The following KMT2A variants were observed in gnomAD, a reference collection of about 807,000 sequenced individuals.
KMT2A encodes histone-lysine N-methyltransferase 2A.
Under a neutral mutation model 345.3 loss-of-function variants are expected in KMT2A, and 16 were observed. The ratio of observed to expected loss-of-function variants is 0.05; its 90% CI spans 0.03 to 0.07. KMT2A has a LOEUF of 0.07. Among genes scored for constraint, KMT2A ranks in the 10% least tolerant of loss-of-function variants. The probability of loss-of-function intolerance (pLI) is 1.00; values close to 1 mark genes in which losing one functional copy is unlikely to be tolerated. For missense variants in KMT2A, 3,272 were observed against 4,841.6 expected (o/e 0.68, Z 9.62); for synonymous variants, 1,599 against 1,778.6 (o/e 0.90, Z 2.54).
chr11:118,485,102 G>T, intron 10 of KMT2A, 127 bp downstream of exon 10: 1 of 674,658 alleles, frequency 1.5e-6, no homozygotes, highest in South Asian at 1.7e-5. Context: ...CTAAAGAAAT[G>T]TTTTGAAGTA....
Position 118,436,980 on chromosome 11 carries a change from G to T in KMT2A, c.432+36G>T. 1.4e-6 allele frequency: 2 copies of T among 1,397,340 alleles called. No individual in the cohort carries two copies. Among genetic ancestry groups the T allele is most frequent in the South Asian group, 3.1e-5 (2 of 64,358 alleles). 86.6% of individuals were successfully genotyped at this position (1,397,340 alleles called of 1,614,324 possible). On this transcript the variant is annotated intron_variant, in intron 1 of 35. Coordinates refer to ENST00000534358, the MANE Select transcript of KMT2A (RefSeq NM_001197104.2). The surrounding 1 kb of genome is among the most constrained non-coding windows in gnomAD (Gnocchi z 6.9). ...GAGGAACCCCCAGGTCCGGGGTCTCGACCCTCTGCGGAGCCCCCTCCCCTC... is the reference window on the plus strand; with the variant it reads ...GAGGAACCCCCAGGTCCGGGGTCTCTACCCTCTGCGGAGCCCCCTCCCCTC...
intron 1 of KMT2A, among the ~76,000 whole-genome samples, chr11:118,451,167 T>G (rs143766206): frequency 6.6e-6 from 1 of 151,938 alleles, no homozygotes; most frequent in Non-Finnish European, 1.5e-5. Context: ...GGCTCTACCA[T>G]TGGAGACGTC....
At position 118,522,211 on chromosome 11, in the gene KMT2A, G is replaced by A. The variant is rs781944987; in HGVS notation, c.*39G>A. 25 of 1,602,452 alleles carry A rather than the reference G, an allele frequency of 1.6e-5. No individual in the cohort carries two copies. Among genetic ancestry groups the A allele is most frequent in the South Asian group, 1.4e-4 (13 of 90,014 alleles). Reference sequence around the variant, plus strand: ...CCCCAGTGTTGGAGTGCAAGGAGGCGGGGCCATCCAAAGCAACGCTGAAGG... The same window carrying A: ...CCCCAGTGTTGGAGTGCAAGGAGGCAGGGCCATCCAAAGCAACGCTGAAGG... On this transcript the variant is annotated 3_prime_UTR_variant, in exon 36 of 36. Coordinates refer to ENST00000534358, the MANE Select transcript of KMT2A (RefSeq NM_001197104.2). The surrounding 1 kb of genome is among the most constrained non-coding windows in gnomAD (Gnocchi z 5.4).
rs782718488 is a variant in KMT2A, at chr11:118,490,224, T to C, written c.4671T>C (p.His1557=). 5.1e-6 allele frequency: 8 copies of C among 1,574,390 alleles called. No homozygotes were observed. Among genetic ancestry groups the C allele is most frequent in the Admixed American group, 4.2e-5 (2 of 47,184 alleles). The change falls in exon 13 of 36, where the codon CAT becomes CAC. Residue 1557 remains histidine (H), a synonymous_variant. Transcript: ENST00000534358. The surrounding 1 kb of genome is among the most constrained non-coding windows in gnomAD (Gnocchi z 4.2). ...GGTCTCATGATTTCTCACTGTGTCA[T>C]GATTGCGCCAAGCTCTTTGCTAAAG... The part of the protein sequence containing the change: ...AQWSHDFSLC[H]DCAKLFAKGN...
At chr11:118,456,724 G>A (rs754861168) in intron 1 of KMT2A, among the ~76,000 whole-genome samples, 17 of 152,140 alleles carry the variant, frequency 1.1e-4, no homozygotes, top group Non-Finnish European at 2.1e-4. Context: ...CTTTCCCTGG[G>A]TGACTGAATT....
rs1244598071 is a variant in KMT2A at position 118,436,681 on chromosome 11, C to T, written c.169C>T (p.Pro57Ser). ...GGGGPGAPPS[P>S]PAVAAAAAAA... ...TGGCGGCCCCGGGGCGCCCCCCTCC[C>T]CCCCGGCTGTGGCGGCCGCGGCGGC... The change falls in exon 1 of 36, where the codon CCC (proline) becomes TCC (serine). Residue 57 changes from proline to serine, a missense_variant. By Grantham distance (74) the Pro-to-Ser change is moderately conservative. Transcript: ENST00000534358. The surrounding 1 kb of genome is among the most constrained non-coding windows in gnomAD (Gnocchi z 6.9). 4.7e-6 allele frequency: 6 copies of T among 1,267,434 alleles called. No individual in the cohort carries two copies. The allele number at this position is 1,267,434 out of a possible 1,614,324, so 78.5% of individuals were successfully genotyped here. A position where few individuals can be genotyped will look rare whatever the true frequency, so the allele number is the denominator to read the frequency against.
rs576240145 is a variant in KMT2A, at chr11:118,524,017, T to C, written c.*1845T>C. On this transcript the variant is annotated 3_prime_UTR_variant, in exon 36 of 36. Coordinates refer to ENST00000534358, the MANE Select transcript of KMT2A (RefSeq NM_001197104.2). ...CAGAGTGGTGGGAGACGGCAATCTT[T>C]ACATTTCCCTCATCTTTCTTACTTC... 110 of 200,188 alleles carry C rather than the reference T, an allele frequency of 5.5e-4. 1 individual carries two copies. Among genetic ancestry groups the C allele is most frequent in the African/African-American group, 2.5e-3 (107 of 43,524 alleles). The allele number at this position is 200,188 out of a possible 1,614,324, so 12.4% of individuals were successfully genotyped here.
At position 118,472,708 on chromosome 11, in the gene KMT2A, C is replaced by G; in HGVS notation, c.1549C>G (p.Gln517Glu). The change falls in exon 3 of 36, where the codon CAG becomes GAG. Residue 517 changes from glutamine (Q) to glutamate (E), a missense_variant. Physicochemically the swap from Gln to Glu is conservative, Grantham distance 29 (BLOSUM62 2). Around this residue, in one of 27 missense-constraint regions of KMT2A, gnomAD observed 180 missense variants for 190.7 expected, o/e 0.94. Coordinates refer to ENST00000534358, the MANE Select transcript of KMT2A (RefSeq NM_001197104.2). ...AGTTCATCCTCCACTGCCCATTTCC[C>G]AGTCCCCAGAAAATGAGAGTAATGA... Reference protein sequence around the residue: ...PEVHPPLPISQSPENESNDRR... With the variant: ...PEVHPPLPISESPENESNDRR... The G allele has an allele frequency of 6.2e-7, 1 of 1,613,530 alleles. No individual in the cohort carries two copies. Among genetic ancestry groups the G allele is most frequent in the Non-Finnish European group, 8.5e-7 (1 of 1,179,920 alleles).
Position 118,495,927 on chromosome 11 carries a change from C to A in KMT2A, c.5557+34C>A, listed in dbSNP as rs781832980. On this transcript the variant is annotated intron_variant, in intron 19 of 35. Transcript: ENST00000534358. The surrounding 1 kb of genome is among the most constrained non-coding windows in gnomAD (Gnocchi z 4.1). ...CCAAAAGGAGAGTCGTCACCCATTT[C>A]CCTCTAGATGCAGATGATTGACTTC... 1 of 1,519,990 alleles carries A rather than the reference C, an allele frequency of 6.6e-7. No homozygotes were observed. Among genetic ancestry groups the A allele is most frequent in the South Asian group, 1.2e-5 (1 of 84,204 alleles). 94.2% of individuals were successfully genotyped at this position (1,519,990 alleles called of 1,614,324 possible). A position where few individuals can be genotyped will look rare whatever the true frequency, so the allele number is the denominator to read the frequency against.
chr11:118,490,314 G>C lies in KMT2A; in HGVS notation c.4696+65G>C. 3 of 1,452,992 alleles carry C rather than the reference G, an allele frequency of 2.1e-6. No homozygotes were observed. The highest frequency in any genetic ancestry group is 2.7e-6 in the Non-Finnish European group (3 of 1,098,598). The allele number at this position is 1,452,992 out of a possible 1,614,324, so 90.0% of individuals were successfully genotyped here. A position where few individuals can be genotyped will look rare whatever the true frequency, so the allele number is the denominator to read the frequency against. On this transcript the variant is annotated intron_variant, in intron 13 of 35. Transcript: ENST00000534358. The surrounding 1 kb of genome is among the most constrained non-coding windows in gnomAD (Gnocchi z 4.2). ...TACTTGGTGTTCTGGAGGTGAACTA[G>C]ACTCTAGTGAAATGAAATAAAAAGT... is the stretch of plus-strand genomic sequence containing the variant.
intron 6 of KMT2A, 64 bp from the exon 7 acceptor site, chr11:118,481,651 A>G (rs1226826579): frequency 6.6e-7 from 1 of 1,508,758 alleles, no homozygotes; most frequent in Non-Finnish European, 8.9e-7. Context: ...GTGGCTCTGT[A>G]ATTCTATTTT....
chr11:118,478,041 A>G lies in KMT2A; in HGVS notation c.3409A>G (p.Arg1137Gly). Residue 1137 changes from arginine (R) to glycine (G), a missense_variant, in exon 5 of 36, where the codon AGA becomes GGA. This residue lies in a region of KMT2A where 33 missense variants were observed against 46.5 expected (regional missense o/e 0.71). Coordinates refer to ENST00000534358, the MANE Select transcript of KMT2A (RefSeq NM_001197104.2). Reference protein sequence around the residue: ...PPIKPIKPVTRNKAPQEPPVK... With the variant: ...PPIKPIKPVTGNKAPQEPPVK... ...CATCAAACCAATTAAACCTGTCACT[A>G]GAAACAAGGCACCCCAGGAACCTCC... The G allele has an allele frequency of 6.2e-7, 1 of 1,614,160 alleles. No homozygotes were observed. The highest frequency in any genetic ancestry group is 8.5e-7 in the Non-Finnish European group (1 of 1,180,024).
At chr11:118,515,782 G>A (rs1410186174) in intron 31 of KMT2A, among the ~76,000 whole-genome samples, 8 of 140,486 alleles carry the variant, frequency 5.7e-5, no homozygotes, top group Non-Finnish European at 9.0e-5. Flanking sequence ...TCCGCCTCCC[G>A]GGTTCAAGCA....
At position 118,436,749 on chromosome 11, in the gene KMT2A, C is replaced by T. The variant is rs781917086; in HGVS notation, c.237C>T (p.Ala79=). ...GGGCTGGGGTTCCAGGGGGAGCGGCCGCCGCCTCAGCAGCCTCCTCGTCGT... is the reference window on the plus strand; with the variant it reads ...GGGCTGGGGTTCCAGGGGGAGCGGCTGCCGCCTCAGCAGCCTCCTCGTCGT... The part of the protein sequence containing the change: ...SSGAGVPGGA[A]AASAASSSSA... The change falls in exon 1 of 36, where the codon GCC becomes GCT. Residue 79 remains alanine (A), a synonymous_variant. Coordinates refer to ENST00000534358, the MANE Select transcript of KMT2A (RefSeq NM_001197104.2). The surrounding 1 kb of genome is among the most constrained non-coding windows in gnomAD (Gnocchi z 6.9). 3.5e-5 allele frequency: 56 copies of T among 1,589,922 alleles called. No homozygotes were observed. The highest frequency in any genetic ancestry group is 2.8e-5 in the Non-Finnish European group (33 of 1,169,086).
At chr11:118,479,238 T>G (rs561518797) in intron 5 of KMT2A, among the ~76,000 whole-genome samples, 40 of 152,342 alleles carry the variant, frequency 2.6e-4, no homozygotes, top group African/African-American at 9.4e-4. Context: ...TCCCCTAATA[T>G]GGAATTTTTT....
chr11:118,519,848 A>G, intron 32 of KMT2A, 56 bp downstream of exon 32: 1 of 1,584,614 alleles, frequency 6.3e-7, no homozygotes, highest in Non-Finnish European at 8.7e-7. Context: ...TTATCTCATG[A>G]CACTGTCATC....
Position 118,478,323 on chromosome 11 carries a change from TG to T in KMT2A, c.3569+123del. ...GTGGTTGTAATTGAGTTGCAAGACT[TG>T]TTACAGTTAGATTTTGTGGTGTGGG... On this transcript the variant is annotated intron_variant, in intron 5 of 35. Coordinates refer to ENST00000534358, the MANE Select transcript of KMT2A (RefSeq NM_001197104.2). 3 of 721,506 alleles carry T rather than the reference TG, an allele frequency of 4.2e-6. No homozygotes were observed. In the South Asian group the frequency reaches 5.4e-5, roughly 13 times the overall value. 44.7% of individuals were successfully genotyped at this position (721,506 alleles called of 1,614,324 possible). A position where few individuals can be genotyped will look rare whatever the true frequency, so the allele number is the denominator to read the frequency against.
chr11:118,458,385 C>T (rs907732001), intron 1 of KMT2A, among the ~76,000 whole-genome samples: 1 of 152,176 alleles, frequency 6.6e-6, no homozygotes, highest in African/African-American at 2.4e-5. Flanking sequence ...CCTCGTCCTG[C>T]CCCTATACAT....
Position 118,493,714 on chromosome 11 carries a change from T to G in KMT2A, c.5178+484T>G, listed in dbSNP as rs1950360876. Among the ~76,000 whole-genome samples, 1 of 152,102 alleles carries G rather than the reference T, an allele frequency of 6.6e-6. No homozygotes were observed. The highest frequency in any genetic ancestry group is 1.5e-5 in the Non-Finnish European group (1 of 68,016). The stretch of plus-strand genomic sequence containing the variant: ...GATTCTGTTGTTTATTTTTATTTAT[T>G]TATTTATTTATTTGAGATGGAGTCT... On this transcript the variant is annotated intron_variant, in intron 16 of 35. Transcript: ENST00000534358. This position sits in a 1 kb window ranked among gnomAD's most constrained non-coding sequence, Gnocchi z 5.8.
Sources: allele counts gnomAD v4.1 joint callset (sites outside exome capture counted in the v4.1 genomes callset), GRCh38; gene constraint gnomAD v4.1.1; regional missense constraint gnomAD v4.1.1; non-coding constraint Gnocchi (gnomAD v3.1); transcripts MANE v1.5; gene names NCBI Gene and HGNC (gene_info 2026-07-23, HGNC 2026-07-21).